The following UGT1A6 variants were observed in gnomAD, a reference collection of about 807,000 sequenced individuals.
UGT1A6 encodes UDP-glucuronosyltransferase 1A6.
UGT1A6 carries 32 observed loss-of-function variants against 44.4 expected under a neutral mutation model. The observed-to-expected ratio is 0.72, with a 90% CI of 0.54 to 0.97. UGT1A6 has a LOEUF of 0.97. UGT1A6 is among the 50% of genes least tolerant of loss of function. The pLI is 0.00. For missense variants in UGT1A6, 685 were observed against 661.9 expected, an observed-to-expected ratio of 1.03 and a Z score of -0.38; for synonymous variants, 238 against 248.5, an observed-to-expected ratio of 0.96 and a Z score of 0.40.
intron 1 of UGT1A6, among the ~76,000 whole-genome samples, chr2:233,717,156 G>A (rs534740397): frequency 6.2e-4 from 94 of 152,158 alleles, no homozygotes; most frequent in Non-Finnish European, 1.2e-3. Context: ...TAGAACATGG[G>A]AGCCCCTTGA....
chr2:233,761,187 T>C, intron 1 of UGT1A6: 1 of 1,614,214 alleles, frequency 6.2e-7, no homozygotes, highest in Non-Finnish European at 8.5e-7. Context: ...ATGCGTATAT[T>C]CTTTCAGATG....
In UGT1A6 at chr2:233,734,393, C is replaced by T. The variant is rs557317498; in HGVS notation, c.862-32641C>T. On this transcript the variant is annotated intron_variant, in intron 1 of 4. Transcript: ENST00000305139. ...ATATTGCCTTTACTATTTTTTATTG[C>T]GTCTATTTGATTCTTCTCTCTTTTC... Among the ~76,000 whole-genome samples, 8 of 152,072 alleles carry T rather than the reference C, an allele frequency of 5.3e-5. No homozygotes were observed. In the East Asian group the frequency reaches 7.7e-4, roughly 15 times the overall value.
chr2:233,745,050 TTTATTTGTA>T (rs1253240051), intron 1 of UGT1A6, among the ~76,000 whole-genome samples: 6 of 151,926 alleles, frequency 3.9e-5, no homozygotes, highest in South Asian at 2.1e-4. Context: ...GTATTGGTTT[TTTATTTGTA>T]TTATTTGTAT....
intron 1 of UGT1A6, among the ~76,000 whole-genome samples, chr2:233,732,436 GTTTTAGGTCTAACA>G (rs2078272762): frequency 1.3e-5 from 2 of 152,194 alleles, no homozygotes; most frequent in Admixed American, 6.5e-5. Context: ...GATTTTTATG[GTTTTAGGTCTAACA>G]TTTGAGTCTT....
intron 1 of UGT1A6, among the ~76,000 whole-genome samples, chr2:233,737,955 G>A (rs1690643843): frequency 6.6e-6 from 1 of 151,990 alleles, no homozygotes; most frequent in African/African-American, 2.4e-5. Context: ...TTCCCAACAT[G>A]AGGTCACACT....
chr2:233,701,190 G>A (rs1433318718), intron 1 of UGT1A6, among the ~76,000 whole-genome samples: 3 of 152,170 alleles, frequency 2.0e-5, no homozygotes, highest in Non-Finnish European at 4.4e-5. Context: ...ACATGTGCAT[G>A]TGTCTTTATA....
chr2:233,715,892 G>A (rs1284412629), intron 1 of UGT1A6, among the ~76,000 whole-genome samples: 1 of 152,180 alleles, frequency 6.6e-6, no homozygotes, highest in African/African-American at 2.4e-5. Context: ...CAGCTACTTG[G>A]GAGGCTCAGG....
At chr2:233,718,622 T>C (rs2125661272) in intron 1 of UGT1A6, 2 of 893,490 alleles carry the variant, frequency 2.2e-6, no homozygotes, top group Non-Finnish European at 2.7e-6. Flanking sequence ...TAGGCGTGAT[T>C]GGTCTTTCCC....
chr2:233,737,646 G>T (rs1166167912), intron 1 of UGT1A6, among the ~76,000 whole-genome samples: 1 of 152,194 alleles, frequency 6.6e-6, no homozygotes, highest in African/African-American at 2.4e-5. Flanking sequence ...CGTCGATCAT[G>T]CTGGGAGCTG....
At chr2:233,747,961 G>A (rs529720964) in intron 1 of UGT1A6, 1 of 1,613,428 alleles carries the variant, frequency 6.2e-7, no homozygotes, top group South Asian at 1.1e-5. Context: ...GATCTTCTCA[G>A]CCATGCATCT....
intron 1 of UGT1A6, chr2:233,730,057 T>C: frequency 1.9e-6 from 3 of 1,611,758 alleles, no homozygotes; most frequent in South Asian, 1.1e-5. Context: ...AAAATGTATT[T>C]ATTTAAAATT....
At chr2:233,740,770 T>C (rs1691472296) in intron 1 of UGT1A6, 2 of 151,812 alleles carry the variant, frequency 1.3e-5, no homozygotes, top group Admixed American at 6.5e-5. Flanking sequence ...CAAACCGTTG[T>C]ATAAAAGATG....
In UGT1A6 at chr2:233,743,982, C is replaced by T. The variant is rs6735370; in HGVS notation, c.862-23052C>T. The T allele has an allele frequency of 7.7e-4, 997 of 1,297,112 alleles. 32 individuals carry two copies. The African/African-American group carries it at 0.014, about 18-fold the overall frequency. 80.4% of individuals were successfully genotyped at this position (1,297,112 alleles called of 1,614,324 possible). On this transcript the variant is annotated intron_variant, in intron 1 of 4. Coordinates refer to ENST00000305139, the MANE Select transcript of UGT1A6 (RefSeq NM_001072.4). ...AGCGGCAAGGCTGCCAGCACCCAGG[C>T]GCAGGCCCGAGTGCTCGGAGACCTG...
At chr2:233,729,301 G>A (rs2077833775) in intron 1 of UGT1A6, 3 of 1,614,148 alleles carry the variant, frequency 1.9e-6, no homozygotes, top group East Asian at 2.2e-5. Flanking sequence ...CCACCAGGCA[G>A]TGGTCCTCAC....
chr2:233,769,820 A>C lies in UGT1A6; in HGVS notation c.1301+1381A>C, dbSNP rs1699945956. 1.3e-5 allele frequency: 11 copies of C among 843,066 alleles called. No individual in the cohort carries two copies. The highest frequency in any genetic ancestry group is 1.5e-5 in the Non-Finnish European group (9 of 599,386). The allele number at this position is 843,066 out of a possible 1,614,324, so 52.2% of individuals were successfully genotyped here. On this transcript the variant is annotated intron_variant, in intron 4 of 4. Transcript: ENST00000305139. The surrounding 1 kb of genome is among the most constrained non-coding windows in gnomAD (Gnocchi z 4.4). ...CTATGAGCCGTGATCATGCCACTGCACTCCAGCAACCTGGGCAACAGAGTG... is the reference window on the plus strand; with the variant it reads ...CTATGAGCCGTGATCATGCCACTGCCCTCCAGCAACCTGGGCAACAGAGTG...
At chr2:233,737,982 G>T (rs1690650423) in intron 1 of UGT1A6, among the ~76,000 whole-genome samples, 2 of 151,994 alleles carry the variant, frequency 1.3e-5, no homozygotes, top group South Asian at 4.2e-4. Flanking sequence ...AATATGGTTT[G>T]GCTCTGTGTC....
At chr2:233,716,411 C>T (rs1382859700) in intron 1 of UGT1A6, among the ~76,000 whole-genome samples, 1 of 152,134 alleles carries the variant, frequency 6.6e-6, no homozygotes, top group Non-Finnish European at 1.5e-5. Flanking sequence ...GTGAAACCCA[C>T]ATCTTATTCA....
At chr2:233,721,865 G>T in intron 1 of UGT1A6, 1 of 504,992 alleles carries the variant, frequency 2.0e-6, no homozygotes, top group South Asian at 1.4e-5. Context: ...TCGGCCCTGG[G>T]CACACTTGCC....
chr2:233,755,009 G>C (rs1198421851), intron 1 of UGT1A6: 1 of 1,292,254 alleles, frequency 7.7e-7, no homozygotes, highest in African/African-American at 1.5e-5. Context: ...AGACCTACTC[G>C]AAGGGGTCCT....
Sources: gnomAD v4.1 joint callset for allele counts (sites outside exome capture counted in the v4.1 genomes callset) on GRCh38, gnomAD v4.1.1 for gene constraint, Gnocchi (gnomAD v3.1) non-coding constraint, MANE v1.5 for transcripts, NCBI Gene and HGNC (gene_info 2026-07-23, HGNC 2026-07-21) for gene names.